CUL9: variants seen among roughly 807,000 people sequenced by gnomAD.
CUL9 encodes the protein cullin-9.
Under a neutral mutation model 272.6 loss-of-function variants are expected in CUL9, and 79 were observed. That is an observed-to-expected ratio of 0.29 (90% CI 0.24 to 0.35). CUL9 has a LOEUF of 0.35. CUL9 is among the 10% of genes least tolerant of loss of function. The pLI, the probability that CUL9 is intolerant of heterozygous loss-of-function variation, is 1.00. For synonymous variants in CUL9, 1,186 were observed against 1,286.5 expected, an observed-to-expected ratio of 0.92 and a Z score of 1.67; for missense variants, 2,532 against 3,255.6, an observed-to-expected ratio of 0.78 and a Z score of 5.41.
Position 43,196,239 on chromosome 6 carries a change from C to T in CUL9, c.2559C>T (p.Ala853=), listed in dbSNP as rs149490125. The change falls in exon 10 of 41, where the codon GCC becomes GCT. Residue 853 remains alanine, a synonymous_variant. Coordinates refer to ENST00000252050, the MANE Select transcript of CUL9 (RefSeq NM_015089.4). ...GCCTGCTCCTCACTGTCCCTGCAGC[C>T]GTGATCCTGATGCTGAATACTGAGG... ...SESLLLTVPA[A]VILMLNTEGC... The T allele has an allele frequency of 2.5e-4, 396 of 1,613,870 alleles. No homozygotes were observed. Among genetic ancestry groups the T allele is most frequent in the Non-Finnish European group, 3.2e-4 (374 of 1,180,012 alleles).
In CUL9 at chr6:43,184,970, G is replaced by T; in HGVS notation, c.595+65G>T. The T allele has an allele frequency of 2.4e-6, 3 of 1,266,784 alleles. No homozygotes were observed. Among genetic ancestry groups the T allele is most frequent in the Non-Finnish European group, 3.2e-6 (3 of 925,398 alleles). 78.5% of individuals were successfully genotyped at this position (1,266,784 alleles called of 1,614,324 possible). A position where few individuals can be genotyped will look rare whatever the true frequency, so the allele number is the denominator to read the frequency against. On this transcript the variant is annotated intron_variant, in intron 2 of 40. Coordinates refer to ENST00000252050, the MANE Select transcript of CUL9 (RefSeq NM_015089.4). The surrounding 1 kb of genome is among the most constrained non-coding windows in gnomAD (Gnocchi z 4.8). ...ATGGGGCCACAGGGAATAAGAAAGAGGAGAGATTTCCTAGCTCTGTAAGAA... is the reference window on the plus strand; with the variant it reads ...ATGGGGCCACAGGGAATAAGAAAGATGAGAGATTTCCTAGCTCTGTAAGAA...
intron 11 of CUL9, among the ~76,000 whole-genome samples, chr6:43,197,963 A>T (rs1774169307): frequency 6.6e-6 from 1 of 152,212 alleles, no homozygotes; most frequent in African/African-American, 2.4e-5. Context: ...ATACGTGGCC[A>T]GGTGCAATAG....
chr6:43,183,678 CT>C (rs1162070003), intron 1 of CUL9, among the ~76,000 whole-genome samples: 1 of 152,024 alleles, frequency 6.6e-6, no homozygotes, highest in Non-Finnish European at 1.5e-5. Flanking sequence ...TTTTAATTCT[CT>C]TTTTGTAAAC....
At chr6:43,212,999 C>T (rs1775641840) in intron 26 of CUL9, 150 bp from the exon 27 acceptor site, 2 of 853,908 alleles carry the variant, frequency 2.3e-6, no homozygotes, top group Non-Finnish European at 3.6e-6. Flanking sequence ...AGGCTGAGAT[C>T]TGGAAGCTTG....
At chr6:43,198,403 G>T (rs990902740) in intron 11 of CUL9, 4 of 984,124 alleles carry the variant, frequency 4.1e-6, no homozygotes, top group African/African-American at 1.7e-5. Context: ...GACAGTGTTT[G>T]CTATACTAGG....
At chr6:43,186,793 G>A in intron 4 of CUL9, 167 bp from the exon 5 acceptor site, 4 of 800,804 alleles carry the variant, frequency 5.0e-6, no homozygotes, top group Non-Finnish European at 7.8e-6. Context: ...CCTGATAAGG[G>A]AAGGAAGCCT....
chr6:43,221,811 C>T lies in CUL9; in HGVS notation c.6846+33C>T, dbSNP rs1298510035. ...GCTGGGCACTAGGGGAGGGCAGAGG[C>T]CCAGAGCCGTCGGGGAGGGGTGCTG... is the stretch of plus-strand genomic sequence containing the variant. On this transcript the variant is annotated intron_variant, in intron 35 of 40. Transcript: ENST00000252050. The surrounding 1 kb of genome is among the most constrained non-coding windows in gnomAD (Gnocchi z 4.2). The T allele has an allele frequency of 4.4e-6, 7 of 1,588,992 alleles. No individual in the cohort carries two copies. The highest frequency in any genetic ancestry group is 6.0e-6 in the Non-Finnish European group (7 of 1,164,866).
At chr6:43,183,898 A>T (rs997150710) in intron 1 of CUL9, among the ~76,000 whole-genome samples, 2 of 152,048 alleles carry the variant, frequency 1.3e-5, no homozygotes, top group Non-Finnish European at 2.9e-5. Context: ...GACTACGGGC[A>T]TGTGCCACCA....
Position 43,220,984 on chromosome 6 carries a change from CCA to C in CUL9, c.6588+82_6588+83del. On this transcript the variant is annotated intron_variant, in intron 33 of 40. Coordinates refer to ENST00000252050, the MANE Select transcript of CUL9 (RefSeq NM_015089.4). This position sits in a 1 kb window ranked among gnomAD's most constrained non-coding sequence, Gnocchi z 4.9. The stretch of plus-strand genomic sequence containing the variant: ...TTCCCTGCTTAATATCCCCACCCCG[CCA>C]CACACACAGACTGTGACTTGTCCTT... 4.0e-6 allele frequency: 6 copies of C among 1,491,712 alleles called. No individual in the cohort carries two copies. The highest frequency in any genetic ancestry group is 4.9e-5 in the East Asian group (2 of 40,628). 92.4% of individuals were successfully genotyped at this position (1,491,712 alleles called of 1,614,324 possible). A position where few individuals can be genotyped will look rare whatever the true frequency, so the allele number is the denominator to read the frequency against.
chr6:43,194,845 G>A (rs980097955), intron 9 of CUL9, among the ~76,000 whole-genome samples: 13 of 152,086 alleles, frequency 8.5e-5, no homozygotes, highest in African/African-American at 2.9e-4. Flanking sequence ...CACCTGAGGT[G>A]AGGAGTTTGA....
rs1774760111 is a variant in CUL9 at position 43,203,224 on chromosome 6, C to G, written c.3849+20C>G. ...CAGCAGGTGGTGTTAGGGTGTCAGCCAGGGCTGAGGAGGAGGAGGTGGCAC... is the reference window on the plus strand; with the variant it reads ...CAGCAGGTGGTGTTAGGGTGTCAGCGAGGGCTGAGGAGGAGGAGGTGGCAC... On this transcript the variant is annotated intron_variant, in intron 18 of 40. Transcript: ENST00000252050. The surrounding 1 kb of genome is among the most constrained non-coding windows in gnomAD (Gnocchi z 5.0). 1.2e-6 allele frequency: 2 copies of G among 1,613,820 alleles called. No homozygotes were observed. Among genetic ancestry groups the G allele is most frequent in the African/African-American group, 2.7e-5 (2 of 75,024 alleles).
chr6:43,222,904 AC>A lies in CUL9; in HGVS notation c.7150+12del. The A allele has an allele frequency of 1.2e-6, 2 of 1,608,904 alleles. No individual in the cohort carries two copies. Among genetic ancestry groups the A allele is most frequent in the Non-Finnish European group, 1.7e-6 (2 of 1,176,768 alleles). On this transcript the variant is annotated intron_variant, in intron 38 of 40. Transcript: ENST00000252050. ...CCCTGCAGATCCTCCTGGGTGAGCC[AC>A]CCCTGCCAGCCAGGCCCTCCTCCTG... is the stretch of plus-strand genomic sequence containing the variant.
chr6:43,205,349 G>A lies in CUL9; in HGVS notation c.4719G>A (p.Gln1573=). Reference sequence around the variant, plus strand: ...CCCCTGGAGTGGAAATGCTGGGGCAGCTTCAGCGGCACCTGGAACCCATTA... The same window carrying A: ...CCCCTGGAGTGGAAATGCTGGGGCAACTTCAGCGGCACCTGGAACCCATTA... ...GGAPGVEMLG[Q]LQRHLEPIMV... The change falls in exon 24 of 41, where the codon CAG becomes CAA. Residue 1573 remains glutamine, a synonymous_variant. Transcript: ENST00000252050. 4 of 1,614,220 alleles carry A rather than the reference G, an allele frequency of 2.5e-6. No homozygotes were observed. Among genetic ancestry groups the A allele is most frequent in the Non-Finnish European group, 3.4e-6 (4 of 1,180,042 alleles).
chr6:43,188,297 G>A, intron 7 of CUL9, 179 bp downstream of exon 7: 5 of 831,182 alleles, frequency 6.0e-6, no homozygotes, highest in Non-Finnish European at 9.1e-6. Flanking sequence ...ATTAACCAGC[G>A]CTCCCTTCCT....
intron 26 of CUL9, among the ~76,000 whole-genome samples, chr6:43,211,993 G>A (rs756505677): frequency 6.6e-6 from 1 of 152,116 alleles, no homozygotes; most frequent in Non-Finnish European, 1.5e-5. Flanking sequence ...TTACTCTATA[G>A]GTTTCCACCT....
chr6:43,220,198 C>T lies in CUL9; in HGVS notation c.6283-261C>T, dbSNP rs1298474135. Reference sequence around the variant, plus strand: ...TTTCTTAATTATTTTTACCCATTCCCTCCTTGTCCATCCCAACAGTAATTA... The same window carrying T: ...TTTCTTAATTATTTTTACCCATTCCTTCCTTGTCCATCCCAACAGTAATTA... On this transcript the variant is annotated intron_variant, in intron 31 of 40. Transcript: ENST00000252050. This position sits in a 1 kb window ranked among gnomAD's most constrained non-coding sequence, Gnocchi z 4.9. Among the ~76,000 whole-genome samples, 1 of 152,172 alleles carries T rather than the reference C, an allele frequency of 6.6e-6. No individual in the cohort carries two copies. The highest frequency in any genetic ancestry group is 1.5e-5 in the Non-Finnish European group (1 of 68,036).
rs1476638267 is a variant in CUL9 at position 43,200,375 on chromosome 6, G to C, written c.3385-61G>C. ...TGACTTTTTCTCTCTACCTGTTTCTGGGCATTTCTCTGTGTTCCTCCCTCT... is the reference window on the plus strand; with the variant it reads ...TGACTTTTTCTCTCTACCTGTTTCTCGGCATTTCTCTGTGTTCCTCCCTCT... On this transcript the variant is annotated intron_variant, in intron 14 of 40. Transcript: ENST00000252050. The surrounding 1 kb of genome is among the most constrained non-coding windows in gnomAD (Gnocchi z 4.0). The C allele has an allele frequency of 6.2e-7, 1 of 1,612,896 alleles. No individual in the cohort carries two copies.
intron 17 of CUL9, 37 bp downstream of exon 17, chr6:43,202,858 ATCCT>A: frequency 6.3e-7 from 1 of 1,585,790 alleles, no homozygotes; most frequent in African/African-American, 1.3e-5. Context: ...CTTGCTCCAC[ATCCT>A]TCTTTTTGTC....
At chr6:43,208,188 T>C (rs1046502012) in intron 26 of CUL9, among the ~76,000 whole-genome samples, 1 of 152,196 alleles carries the variant, frequency 6.6e-6, no homozygotes, top group African/African-American at 2.4e-5. Context: ...AATTTAATTG[T>C]AATCAGTTTA....
Sources: gnomAD v4.1 joint callset for allele counts (sites outside exome capture counted in the v4.1 genomes callset) on GRCh38, gnomAD v4.1.1 for gene constraint, Gnocchi (gnomAD v3.1) non-coding constraint, MANE v1.5 for transcripts, NCBI Gene and HGNC (gene_info 2026-07-23, HGNC 2026-07-21) for gene names.